Variants in PARD3B observed in about 807,000 individuals in gnomAD.
The protein encoded by PARD3B is partitioning defective 3 homolog B.
In PARD3B, 103 loss-of-function variants were observed where a neutral mutation model predicts 130.2. The observed-to-expected ratio is 0.79, with a 90% CI of 0.67 to 0.93. PARD3B has a LOEUF of 0.93. PARD3B is among the 40% of genes least tolerant of loss of function. The pLI is 0.00. For missense variants in PARD3B, 1,609 were observed against 1,499.2 expected (o/e 1.07, Z -1.21); for synonymous variants, 583 against 553.2 (o/e 1.05, Z -0.76).
intron 2 of PARD3B, among the ~76,000 whole-genome samples, chr2:204,899,747 C>T (rs1451545105): frequency 6.6e-6 from 1 of 152,144 alleles, no homozygotes; most frequent in Non-Finnish European, 1.5e-5. Flanking sequence ...CATCAACATC[C>T]TTCTCTTTCA....
intron 2 of PARD3B, among the ~76,000 whole-genome samples, chr2:204,696,862 A>G (rs1383390842): frequency 6.6e-6 from 1 of 152,080 alleles, no homozygotes; most frequent in Non-Finnish European, 1.5e-5. Context: ...ACATTTTCTT[A>G]ACAATAAAGA....
At chr2:205,527,827 A>G (rs2106419891) in intron 21 of PARD3B, among the ~76,000 whole-genome samples, 1 of 152,312 alleles carries the variant, frequency 6.6e-6, no homozygotes, top group Non-Finnish European at 1.5e-5. Flanking sequence ...TACCATATTC[A>G]TCTTAGGAGT....
intron 2 of PARD3B, among the ~76,000 whole-genome samples, chr2:204,735,185 G>C (rs1026866183): frequency 6.6e-6 from 1 of 151,888 alleles, no homozygotes; most frequent in Non-Finnish European, 1.5e-5. Flanking sequence ...ACCTTAATTG[G>C]ATAAAGTGCA....
chr2:205,056,409 TGTGA>T (rs1399023796), intron 4 of PARD3B, among the ~76,000 whole-genome samples: 1 of 152,040 alleles, frequency 6.6e-6, no homozygotes, highest in Non-Finnish European at 1.5e-5. Context: ...AAGTAGCTAC[TGTGA>T]GTGTTTTACG....
intron 22 of PARD3B, among the ~76,000 whole-genome samples, chr2:205,615,159 C>T (rs1011521945): frequency 6.6e-6 from 1 of 152,202 alleles, no homozygotes; most frequent in East Asian, 1.9e-4. Context: ...TCCTGATTGA[C>T]ATGGTGGCTC....
At position 205,574,881 on chromosome 2, in the gene PARD3B, A is replaced by G. The variant is rs539388285; in HGVS notation, c.3260+21478A>G. Among the ~76,000 whole-genome samples, 40 of 151,432 alleles carry G rather than the reference A, an allele frequency of 2.6e-4. No individual in the cohort carries two copies. In the South Asian group the frequency reaches 7.7e-3, roughly 29 times the overall value. Reference sequence around the variant, plus strand: ...AAAAAAAAAAAAAAAAAAGAAAGAAAGAAAGAAGTCATACCAAAGACAGAA... The same window carrying G: ...AAAAAAAAAAAAAAAAAAGAAAGAAGGAAAGAAGTCATACCAAAGACAGAA... On this transcript the variant is annotated intron_variant, in intron 22 of 22. Coordinates refer to ENST00000406610, the MANE Select transcript of PARD3B (RefSeq NM_001302769.2).
rs2046973086 is a variant in PARD3B, at chr2:205,421,515, A to G, written c.2742-18855A>G. On this transcript the variant is annotated intron_variant, in intron 19 of 22. Coordinates refer to ENST00000406610, the MANE Select transcript of PARD3B (RefSeq NM_001302769.2). This position sits in a 1 kb window ranked among gnomAD's most constrained non-coding sequence, Gnocchi z 5.1. ...TATAGGGTCTGAGGTTTCATCTTTC[A>G]TATTTCCACATTGCAGGAAAGATGA... 6.6e-6 allele frequency among the ~76,000 whole-genome samples: 1 copy of G among 152,058 alleles called. No individual in the cohort carries two copies. The highest frequency in any genetic ancestry group is 6.6e-5 in the Admixed American group (1 of 15,256).
intron 2 of PARD3B, among the ~76,000 whole-genome samples, chr2:204,900,405 G>A (rs1294515017): frequency 6.6e-6 from 1 of 152,046 alleles, no homozygotes; most frequent in Non-Finnish European, 1.5e-5. Context: ...AGGAGACACC[G>A]ACACAGTCTT....
intron 16 of PARD3B, among the ~76,000 whole-genome samples, chr2:205,246,562 A>G (rs1475021846): frequency 6.6e-6 from 1 of 152,158 alleles, no homozygotes; most frequent in Non-Finnish European, 1.5e-5. Flanking sequence ...TTTGGAGGAG[A>G]AAATGTCCAT....
intron 21 of PARD3B, among the ~76,000 whole-genome samples, chr2:205,516,710 GCAAA>G (rs2050804947): frequency 6.6e-6 from 1 of 152,126 alleles, no homozygotes; most frequent in Non-Finnish European, 1.5e-5. Context: ...CATATCGTCT[GCAAA>G]CAGAGATAGT....
intron 15 of PARD3B, among the ~76,000 whole-genome samples, chr2:205,216,228 G>C (rs1011880353): frequency 6.6e-6 from 1 of 152,146 alleles, no homozygotes; most frequent in African/African-American, 2.4e-5. Context: ...AGGTACCATA[G>C]GCTAGGCCAT....
Position 204,935,167 on chromosome 2 carries a change from T to A in PARD3B, c.223-29985T>A, listed in dbSNP as rs1466655957. ...CCTACTTTTTTTTTTTTTTTTTACA[T>A]TTCTCTATCCTGTTCACATAAGAAC... On this transcript the variant is annotated intron_variant, in intron 2 of 22. Transcript: ENST00000406610. 2.0e-5 allele frequency among the ~76,000 whole-genome samples: 3 copies of A among 147,554 alleles called. No homozygotes were observed. The South Asian group carries it at 6.4e-4, about 31-fold the overall frequency.
chr2:204,871,700 T>G (rs1559216131), intron 2 of PARD3B, among the ~76,000 whole-genome samples: 1 of 152,144 alleles, frequency 6.6e-6, no homozygotes, highest in African/African-American at 2.4e-5. Flanking sequence ...ATAGTTTCAT[T>G]TTGACTCTTC....
At position 205,211,210 on chromosome 2, in the gene PARD3B, A is replaced by G. The variant is rs556289932; in HGVS notation, c.2140+17890A>G. Among the ~76,000 whole-genome samples, 9 of 152,226 alleles carry G rather than the reference A, an allele frequency of 5.9e-5. No individual in the cohort carries two copies. In the South Asian group the frequency reaches 1.9e-3, roughly 32 times the overall value. ...ACAGCAGTGCTGGCTGCTTTAGAGC[A>G]TATTAGTACAAAGACTGGCATCACC... is the stretch of plus-strand genomic sequence containing the variant. On this transcript the variant is annotated intron_variant, in intron 15 of 22. Transcript: ENST00000406610.
chr2:205,012,860 A>G (rs1207756843), intron 3 of PARD3B, among the ~76,000 whole-genome samples: 1 of 152,204 alleles, frequency 6.6e-6, no homozygotes, highest in Non-Finnish European at 1.5e-5. Context: ...TCTGTGGGTA[A>G]TTTATTATAC....
intron 2 of PARD3B, among the ~76,000 whole-genome samples, chr2:204,774,301 G>A (rs533972730): frequency 1.3e-5 from 2 of 151,994 alleles, no homozygotes; most frequent in Non-Finnish European, 2.9e-5. Context: ...GTGAGGATGG[G>A]AACTTTGTAC....
chr2:204,983,715 C>A (rs1167704471), intron 3 of PARD3B, among the ~76,000 whole-genome samples: 1 of 152,180 alleles, frequency 6.6e-6, no homozygotes, highest in East Asian at 1.9e-4. Flanking sequence ...CATATACTTG[C>A]AAGACACAAC....
At chr2:204,851,644 T>C (rs1393068740) in intron 2 of PARD3B, among the ~76,000 whole-genome samples, 1 of 152,230 alleles carries the variant, frequency 6.6e-6, no homozygotes, top group Non-Finnish European at 1.5e-5. Context: ...TATGTCATTA[T>C]TAATAAATGG....
At chr2:204,727,532 G>T (rs1403018856) in intron 2 of PARD3B, among the ~76,000 whole-genome samples, 2 of 152,294 alleles carry the variant, frequency 1.3e-5, no homozygotes, top group South Asian at 2.1e-4. Flanking sequence ...GATTTGGAAG[G>T]AAGACTTTTA....
Sources: allele counts gnomAD v4.1 joint callset (sites outside exome capture counted in the v4.1 genomes callset), GRCh38; gene constraint gnomAD v4.1.1; non-coding constraint Gnocchi (gnomAD v3.1); transcripts MANE v1.5; gene names NCBI Gene and HGNC (gene_info 2026-07-23, HGNC 2026-07-21).